Variants in OXCT1 observed in about 807,000 individuals in gnomAD.
OXCT1 encodes the protein succinyl-CoA:3-ketoacid coenzyme A transferase 1, mitochondrial.
Under a neutral mutation model 69.6 loss-of-function variants are expected in OXCT1, and 27 were observed. The observed-to-expected ratio is 0.39, with a 90% CI of 0.29 to 0.54. The LOEUF is 0.54. OXCT1 is among the 20% of genes least tolerant of loss of function. The pLI is 0.72. For synonymous variants in OXCT1, 202 were observed against 217.8 expected (o/e 0.93, Z 0.64); for missense variants, 437 against 650.2 (o/e 0.67, Z 3.57).
chr5:41,852,962 T>G (rs1351033137), intron 4 of OXCT1, among the ~76,000 whole-genome samples: 1 of 151,962 alleles, frequency 6.6e-6, no homozygotes, highest in Non-Finnish European at 1.5e-5. Flanking sequence ...TCTCAGCTTC[T>G]CAGGAGGCCG....
chr5:41,858,172 G>A (rs1377619169), intron 3 of OXCT1, among the ~76,000 whole-genome samples: 1 of 152,176 alleles, frequency 6.6e-6, no homozygotes, highest in Non-Finnish European at 1.5e-5. Flanking sequence ...AGCCCCAGGT[G>A]CACTACCTGA....
intron 13 of OXCT1, among the ~76,000 whole-genome samples, chr5:41,767,279 A>G (rs1488755982): frequency 6.6e-6 from 1 of 152,146 alleles, no homozygotes; most frequent in Admixed American, 6.5e-5. Context: ...TCAAAGATTA[A>G]TGGCATTTTC....
rs1459007728 is a variant in OXCT1, at chr5:41,731,498, C to T, written c.*231G>A. On this transcript the variant is annotated 3_prime_UTR_variant, in exon 17 of 17. Coordinates refer to ENST00000196371, the MANE Select transcript of OXCT1 (RefSeq NM_000436.4). ...TCAATATAATTACCTATTATAAAAA[C>T]AACCTTCTCAGCCTTAACAAATGAG... The T allele has an allele frequency of 4.5e-6, 4 of 883,314 alleles. No homozygotes were observed. The South Asian group carries it at 8.5e-5, about 19-fold the overall frequency. 54.7% of individuals were successfully genotyped at this position (883,314 alleles called of 1,614,324 possible). A position where few individuals can be genotyped will look rare whatever the true frequency, so the allele number is the denominator to read the frequency against.
chr5:41,745,559 A>C (rs1743435703), intron 15 of OXCT1, among the ~76,000 whole-genome samples: 1 of 152,220 alleles, frequency 6.6e-6, no homozygotes, highest in Non-Finnish European at 1.5e-5. Context: ...ATCAGAGCAG[A>C]ACTGAAGGAA....
In OXCT1 at chr5:41,833,428, G is replaced by T. The variant is rs975930179; in HGVS notation, c.732+7023C>A. Reference sequence around the variant, plus strand: ...TGGCAAAATATCTTTCAAGCATGGAGGAGAAATAAAGAACTTCCAAGACAA... The same window carrying T: ...TGGCAAAATATCTTTCAAGCATGGATGAGAAATAAAGAACTTCCAAGACAA... On this transcript the variant is annotated intron_variant, in intron 7 of 16. Transcript: ENST00000196371. 5.9e-5 allele frequency among the ~76,000 whole-genome samples: 9 copies of T among 151,498 alleles called. No homozygotes were observed. In the South Asian group the frequency reaches 1.9e-3, roughly 32 times the overall value.
chr5:41,757,137 C>T (rs904974195), intron 14 of OXCT1, among the ~76,000 whole-genome samples: 3 of 151,870 alleles, frequency 2.0e-5, no homozygotes, highest in Non-Finnish European at 2.9e-5. Flanking sequence ...TACATTTTGG[C>T]GAAAAAAATC....
intron 16 of OXCT1, among the ~76,000 whole-genome samples, chr5:41,736,737 A>G (rs1742901654): frequency 6.6e-6 from 1 of 152,160 alleles, no homozygotes; most frequent in Non-Finnish European, 1.5e-5. Context: ...ATTGTTTTGC[A>G]CTAGGATTTT....
chr5:41,803,273 C>G, intron 9 of OXCT1, 110 bp from the exon 10 acceptor site: 2 of 722,724 alleles, frequency 2.8e-6, no homozygotes, highest in Non-Finnish European at 5.0e-6. Context: ...GTGGCTTACT[C>G]TGAATGTAAT....
intron 7 of OXCT1, among the ~76,000 whole-genome samples, chr5:41,814,778 T>A (rs1411856611): frequency 6.7e-6 from 1 of 149,782 alleles, no homozygotes; most frequent in African/African-American, 2.4e-5. Context: ...TAATGCTAGA[T>A]GACGAGTTAG....
chr5:41,858,136 A>G (rs1354712321), intron 3 of OXCT1, among the ~76,000 whole-genome samples: 2 of 152,336 alleles, frequency 1.3e-5, no homozygotes, highest in Middle Eastern at 3.4e-3. Context: ...ATCCTGGCAT[A>G]GCAATCAAGC....
At chr5:41,788,320 A>C (rs1286607599) in intron 13 of OXCT1, among the ~76,000 whole-genome samples, 3 of 152,186 alleles carry the variant, frequency 2.0e-5, no homozygotes, top group Non-Finnish European at 4.4e-5. Context: ...GGACAGATGA[A>C]GTAAACAGAA....
At chr5:41,748,220 G>C (rs1743601630) in intron 15 of OXCT1, among the ~76,000 whole-genome samples, 1 of 151,982 alleles carries the variant, frequency 6.6e-6, no homozygotes, top group Non-Finnish European at 1.5e-5. Context: ...AAATGCATTA[G>C]GTTTAAAGGA....
At chr5:41,852,055 G>A (rs553939668) in intron 4 of OXCT1, among the ~76,000 whole-genome samples, 3 of 152,248 alleles carry the variant, frequency 2.0e-5, no homozygotes, top group Admixed American at 6.5e-5. Context: ...CATGCTCTCC[G>A]CCATGCAAGA....
At chr5:41,863,785 T>C (rs1749845727) in intron 1 of OXCT1, among the ~76,000 whole-genome samples, 1 of 152,238 alleles carries the variant, frequency 6.6e-6, no homozygotes, top group South Asian at 2.1e-4. Flanking sequence ...AAACCCACCA[T>C]GTGTCAAGTC....
intron 7 of OXCT1, among the ~76,000 whole-genome samples, chr5:41,815,362 T>C (rs978159475): frequency 6.6e-6 from 1 of 152,178 alleles, no homozygotes; most frequent in Non-Finnish European, 1.5e-5. Context: ...TTTTACTTTT[T>C]GAGATGAGAT....
At chr5:41,753,956 G>A (rs1367930400) in intron 14 of OXCT1, among the ~76,000 whole-genome samples, 2 of 152,058 alleles carry the variant, frequency 1.3e-5, no homozygotes, top group Non-Finnish European at 2.9e-5. Context: ...AGCACATGAC[G>A]GGGCTTATAA....
At chr5:41,805,533 T>C (rs1485060354) in intron 9 of OXCT1, 34 bp downstream of exon 9, 2 of 1,407,282 alleles carry the variant, frequency 1.4e-6, no homozygotes, top group East Asian at 2.3e-5. Flanking sequence ...GCAAAGGCTA[T>C]GTCTTTGCCC....
chr5:41,745,577 C>A lies in OXCT1; in HGVS notation c.1419+3950G>T, dbSNP rs902911961. Among the ~76,000 whole-genome samples, 4 of 151,960 alleles carry A rather than the reference C, an allele frequency of 2.6e-5. No individual in the cohort carries two copies. In the East Asian group the frequency reaches 7.7e-4, roughly 29 times the overall value. On this transcript the variant is annotated intron_variant, in intron 15 of 16. Coordinates refer to ENST00000196371, the MANE Select transcript of OXCT1 (RefSeq NM_000436.4). ...AGAGCAGAACTGAAGGAAATAGACA[C>A]AAAAAACCCTTCAAAAAATCAGTGA... is the stretch of plus-strand genomic sequence containing the variant.
chr5:41,801,145 T>C (rs1466353560), intron 10 of OXCT1, 75 bp from the exon 11 acceptor site: 1 of 1,125,878 alleles, frequency 8.9e-7, no homozygotes, highest in Non-Finnish European at 1.4e-6. Flanking sequence ...ATAATATAAA[T>C]AACTTCCCTA....
Sources: allele counts gnomAD v4.1 joint callset (sites outside exome capture counted in the v4.1 genomes callset), GRCh38; gene constraint gnomAD v4.1.1; transcripts MANE v1.5; gene names NCBI Gene and HGNC (gene_info 2026-07-23, HGNC 2026-07-21).